Variants in ANO3 observed in about 807,000 individuals in gnomAD.
The protein encoded by ANO3 is anoctamin-3.
ANO3 carries 99 observed loss-of-function variants against 144.8 expected under a neutral mutation model. The ratio of observed to expected loss-of-function variants is 0.68; its 90% CI spans 0.58 to 0.81. The LOEUF (loss-of-function observed/expected upper bound fraction) is 0.81, where lower values mean the gene tolerates loss of function less well. Among genes scored for constraint, ANO3 ranks in the 30% least tolerant of loss-of-function variants. ANO3 has a pLI of 0.00. For synonymous variants in ANO3, 414 were observed against 392.6 expected, an observed-to-expected ratio of 1.05 and a Z score of -0.64; for missense variants, 905 against 1,202.2, an observed-to-expected ratio of 0.75 and a Z score of 3.66.
intron 4 of ANO3, among the ~76,000 whole-genome samples, chr11:26,479,806 A>G (rs1860138871): frequency 6.6e-6 from 1 of 152,204 alleles, no homozygotes. Flanking sequence ...GGTATAAGAG[A>G]AAGAGAACTC....
intron 1 of ANO3, among the ~76,000 whole-genome samples, chr11:26,335,981 G>A (rs889149134): frequency 6.6e-6 from 1 of 152,240 alleles, no homozygotes; most frequent in Non-Finnish European, 1.5e-5. Context: ...CATCTGTGCA[G>A]TGGTGGGGAG....
chr11:26,210,713 G>T (rs552882539), intron 1 of ANO3, among the ~76,000 whole-genome samples: 3 of 152,204 alleles, frequency 2.0e-5, no homozygotes, highest in African/African-American at 7.2e-5. Flanking sequence ...CTTGTAAGTT[G>T]TATTCCTAGG....
chr11:26,642,731 AC>A (rs1161175391), intron 22 of ANO3, among the ~76,000 whole-genome samples: 1 of 152,146 alleles, frequency 6.6e-6, no homozygotes, highest in Non-Finnish European at 1.5e-5. Context: ...AAACCTTTGC[AC>A]AGACTCCGTC....
chr11:26,462,467 T>C (rs1859439221), intron 3 of ANO3, among the ~76,000 whole-genome samples: 1 of 151,922 alleles, frequency 6.6e-6, no homozygotes, highest in Admixed American at 6.6e-5. Context: ...AGTTTTTGGC[T>C]ATTCTGCTAG....
chr11:26,629,079 G>A (rs1852684546), intron 18 of ANO3, among the ~76,000 whole-genome samples: 2 of 152,092 alleles, frequency 1.3e-5, no homozygotes, highest in Non-Finnish European at 2.9e-5. Flanking sequence ...TGTATACTTG[G>A]AGGAGTAGTT....
chr11:26,660,974 C>G lies in ANO3; in HGVS notation c.*530C>G, dbSNP rs1482130900. 1 of 152,954 alleles carries G rather than the reference C, an allele frequency of 6.5e-6. No homozygotes were observed. Among genetic ancestry groups the G allele is most frequent in the Non-Finnish European group, 1.5e-5 (1 of 68,350 alleles). 9.5% of individuals were successfully genotyped at this position (152,954 alleles called of 1,614,324 possible). On this transcript the variant is annotated 3_prime_UTR_variant, in exon 27 of 27. Coordinates refer to ENST00000256737, the MANE Select transcript of ANO3 (RefSeq NM_031418.4). ...AGGTTGGTAGGAATTGCCCATGTCTCTTGCTGAGATTATGGATCTGTGCCA... is the reference window on the plus strand; with the variant it reads ...AGGTTGGTAGGAATTGCCCATGTCTGTTGCTGAGATTATGGATCTGTGCCA...
intron 14 of ANO3, among the ~76,000 whole-genome samples, chr11:26,597,725 A>C (rs1851677829): frequency 2.0e-5 from 3 of 152,198 alleles, no homozygotes; most frequent in African/African-American, 7.2e-5. Flanking sequence ...AGTTGTGTCC[A>C]CAAAGTCTTG....
At chr11:26,330,682 T>C (rs1026474142), upstream of ANO3, among the ~76,000 whole-genome samples, 10 of 152,172 alleles carry the variant, frequency 6.6e-5, no homozygotes, top group Admixed American at 6.5e-4. Flanking sequence ...GTAATAATAA[T>C]AAATTTTAGT....
intron 13 of ANO3, among the ~76,000 whole-genome samples, chr11:26,553,622 A>G (rs901051964): frequency 1.3e-5 from 2 of 152,146 alleles, no homozygotes; most frequent in African/African-American, 4.8e-5. Flanking sequence ...GATTCTTTTT[A>G]GCAAACAATT....
intron 1 of ANO3, among the ~76,000 whole-genome samples, chr11:26,195,022 C>T (rs575169928): frequency 2.6e-5 from 4 of 152,160 alleles, no homozygotes; most frequent in African/African-American, 7.2e-5. Context: ...TGTCAGACTG[C>T]AAAGAAAAAC....
chr11:26,433,979 T>A (rs1858205939), intron 1 of ANO3, among the ~76,000 whole-genome samples: 1 of 152,214 alleles, frequency 6.6e-6, no homozygotes, highest in Admixed American at 6.5e-5. Context: ...TGCTATCAGC[T>A]CTTCTTTATC....
At chr11:26,246,560 T>TA (rs1428655635) in intron 1 of ANO3, among the ~76,000 whole-genome samples, 1 of 148,954 alleles carries the variant, frequency 6.7e-6, no homozygotes, top group African/African-American at 2.6e-5. Flanking sequence ...GTCTTTTGCT[T>TA]AATTTTCTTT....
intron 8 of ANO3, among the ~76,000 whole-genome samples, chr11:26,532,823 A>G (rs1184279363): frequency 1.3e-5 from 2 of 151,940 alleles, no homozygotes; most frequent in Non-Finnish European, 2.9e-5. Flanking sequence ...TGTCCCAGTC[A>G]TTTTCTATCC....
intron 1 of ANO3, among the ~76,000 whole-genome samples, chr11:26,311,189 T>C (rs1257839382): frequency 6.6e-6 from 1 of 152,214 alleles, no homozygotes; most frequent in East Asian, 1.9e-4. Context: ...GAAATTATTC[T>C]TATGTGTCAG....
chr11:26,289,499 A>C (rs1853886518), intron 1 of ANO3, among the ~76,000 whole-genome samples: 1 of 147,066 alleles, frequency 6.8e-6, no homozygotes, highest in African/African-American at 2.5e-5. Context: ...ATTACCTTTG[A>C]TTCTAAGTAT....
At chr11:26,639,527 G>T (rs1853076428) in intron 21 of ANO3, among the ~76,000 whole-genome samples, 1 of 152,158 alleles carries the variant, frequency 6.6e-6, no homozygotes, top group Admixed American at 6.5e-5. Flanking sequence ...CTTGTTACTA[G>T]TTTGAAAACA....
intron 1 of ANO3, among the ~76,000 whole-genome samples, chr11:26,426,341 AC>A (rs1410422632): frequency 2.0e-5 from 3 of 152,122 alleles, no homozygotes; most frequent in Non-Finnish European, 4.4e-5. Context: ...AAGGAAATGG[AC>A]CCCATCTTGT....
chr11:26,286,322 G>A (rs1046223699), intron 1 of ANO3, among the ~76,000 whole-genome samples: 1 of 152,114 alleles, frequency 6.6e-6, no homozygotes, highest in African/African-American at 2.4e-5. Context: ...TTGATATAAA[G>A]GCCTGGGGTT....
chr11:26,358,257 C>T (rs917138730), intron 1 of ANO3, among the ~76,000 whole-genome samples: 4 of 150,688 alleles, frequency 2.7e-5, no homozygotes, highest in African/African-American at 9.8e-5. Flanking sequence ...CTGCAACCTC[C>T]GCCTCCTGGG....
Sources: gnomAD v4.1 joint callset for allele counts (sites outside exome capture counted in the v4.1 genomes callset) on GRCh38, gnomAD v4.1.1 for gene constraint, MANE v1.5 for transcripts, NCBI Gene and HGNC (gene_info 2026-07-23, HGNC 2026-07-21) for gene names.